GLRA3: variants seen among roughly 807,000 people sequenced by gnomAD.
The protein encoded by GLRA3 is glycine receptor alpha 3, also known as glycine receptor subunit alpha-3.
In GLRA3, 44 loss-of-function variants were observed where a neutral mutation model predicts 60.4. The ratio of observed to expected loss-of-function variants is 0.73; its 90% CI spans 0.57 to 0.94. GLRA3 has a LOEUF of 0.94. Ranked by LOEUF, GLRA3 falls within the 40% of genes least tolerant of loss-of-function variation. The probability of loss-of-function intolerance (pLI) is 0.00; values close to 1 mark genes in which losing one functional copy is unlikely to be tolerated. For synonymous variants in GLRA3, 223 were observed against 192.9 expected, an observed-to-expected ratio of 1.16 and a Z score of -1.29; for missense variants, 508 against 564.6, an observed-to-expected ratio of 0.90 and a Z score of 1.02.
intron 5 of GLRA3, among the ~76,000 whole-genome samples, chr4:174,714,089 C>T (rs1735818616): frequency 6.6e-6 from 1 of 152,152 alleles, no homozygotes; most frequent in Admixed American, 6.5e-5. Context: ...TGCTCTTTGT[C>T]CTACTTTCTG....
At chr4:174,677,056 C>T (rs1429377858) in intron 7 of GLRA3, 22 bp downstream of exon 7, 7 of 1,370,604 alleles carry the variant, frequency 5.1e-6, no homozygotes, top group Admixed American at 5.0e-5. Context: ...CAAAGATGTG[C>T]ATGCTCATTC....
chr4:174,793,350 GCATAC>G (rs1156461195), intron 1 of GLRA3, among the ~76,000 whole-genome samples: 2 of 151,724 alleles, frequency 1.3e-5, no homozygotes, highest in Non-Finnish European at 2.9e-5. Flanking sequence ...GGTATCAACT[GCATAC>G]CATGATACCA....
At chr4:174,808,109 G>T (rs60038156) in intron 1 of GLRA3, among the ~76,000 whole-genome samples, 4,536 of 152,050 alleles carry the variant, frequency 0.03, 199 homozygotes, top group African/African-American at 0.1. Flanking sequence ...GGACATCATA[G>T]GTTTGAGAGT....
intron 7 of GLRA3, among the ~76,000 whole-genome samples, chr4:174,673,078 C>T (rs1160564104): frequency 6.6e-6 from 1 of 151,920 alleles, no homozygotes; most frequent in East Asian, 1.9e-4. Flanking sequence ...CAGACCTGGT[C>T]CTTAGCCAGT....
rs184204382 is a variant in GLRA3 at position 174,668,882 on chromosome 4, C to T, written c.927+8196G>A. ...GTATGCTTTTGATGAGCTAAAATAG[C>T]CCTTTGAATAGGGTAATTGGTTCTT... On this transcript the variant is annotated intron_variant, in intron 7 of 9. Transcript: ENST00000274093. Among the ~76,000 whole-genome samples the T allele has an allele frequency of 5.4e-4, 82 of 152,134 alleles. 1 individual carries two copies. Among genetic ancestry groups the T allele is most frequent in the African/African-American group, 1.7e-3 (70 of 41,510 alleles).
At chr4:174,678,059 G>C (rs9312557) in intron 6 of GLRA3, among the ~76,000 whole-genome samples, 1 of 151,914 alleles carries the variant, frequency 6.6e-6, no homozygotes, top group African/African-American at 2.4e-5. Flanking sequence ...AATTGAACAC[G>C]AATTATTCCT....
intron 4 of GLRA3, among the ~76,000 whole-genome samples, chr4:174,725,731 C>T (rs947164396): frequency 6.6e-6 from 1 of 152,156 alleles, no homozygotes; most frequent in African/African-American, 2.4e-5. Context: ...ATTTGCCTGC[C>T]TCAGCCTCCC....
chr4:174,647,715 TCA>T (rs1445391819), intron 9 of GLRA3, among the ~76,000 whole-genome samples: 1 of 151,958 alleles, frequency 6.6e-6, no homozygotes, highest in Non-Finnish European at 1.5e-5. Context: ...CAAAATAACT[TCA>T]GTTTGAAAAA....
chr4:174,823,228 C>CA (rs1424701396), intron 1 of GLRA3, among the ~76,000 whole-genome samples: 2 of 114,870 alleles, frequency 1.7e-5, no homozygotes, highest in Admixed American at 8.8e-5. Context: ...AATAAAAAAA[C>CA]AAAAAACTAA....
chr4:174,782,747 A>T (rs1451275673), intron 2 of GLRA3, among the ~76,000 whole-genome samples: 3 of 152,152 alleles, frequency 2.0e-5, no homozygotes, highest in Admixed American at 2.0e-4. Context: ...AATACCTAGG[A>T]ATCCAACTTA....
intron 5 of GLRA3, among the ~76,000 whole-genome samples, chr4:174,696,409 G>A (rs1189482698): frequency 6.7e-6 from 1 of 150,230 alleles, no homozygotes; most frequent in Non-Finnish European, 1.5e-5. Context: ...GAAAGATATT[G>A]TAAAGTTGAA....
intron 7 of GLRA3, among the ~76,000 whole-genome samples, chr4:174,664,383 A>G (rs568079901): frequency 6.6e-5 from 10 of 152,198 alleles, no homozygotes; most frequent in Admixed American, 2.0e-4. Context: ...AGGAGTCAAG[A>G]ATCTCTACCA....
chr4:174,710,244 T>A (rs1561070346), intron 5 of GLRA3, among the ~76,000 whole-genome samples: 2 of 152,190 alleles, frequency 1.3e-5, no homozygotes, highest in South Asian at 4.1e-4. Context: ...CTTCTAAGGT[T>A]GTGTCTCTAT....
intron 3 of GLRA3, among the ~76,000 whole-genome samples, chr4:174,757,101 C>T (rs1737748310): frequency 6.6e-6 from 1 of 152,192 alleles, no homozygotes; most frequent in African/African-American, 2.4e-5. Context: ...AAAAGTACAA[C>T]TGTCTTAACA....
At chr4:174,710,089 T>C (rs1735660177) in intron 5 of GLRA3, among the ~76,000 whole-genome samples, 1 of 152,156 alleles carries the variant, frequency 6.6e-6, no homozygotes, top group East Asian at 1.9e-4. Flanking sequence ...TTATTGTCTT[T>C]CTCTGTTTCA....
At chr4:174,670,062 A>AT (rs1174873964) in intron 7 of GLRA3, among the ~76,000 whole-genome samples, 8 of 152,000 alleles carry the variant, frequency 5.3e-5, no homozygotes, top group Non-Finnish European at 5.9e-5. Context: ...TTTTACCATC[A>AT]TTTTTTCTGT....
intron 3 of GLRA3, among the ~76,000 whole-genome samples, chr4:174,736,185 T>A (rs1736779037): frequency 1.3e-5 from 2 of 152,148 alleles, no homozygotes; most frequent in Admixed American, 1.3e-4. Context: ...AAATGTCTGA[T>A]ATAAACTGTA....
At chr4:174,761,309 A>G (rs1334328079) in intron 3 of GLRA3, among the ~76,000 whole-genome samples, 2 of 152,084 alleles carry the variant, frequency 1.3e-5, no homozygotes, top group African/African-American at 4.8e-5. Context: ...GAATCTAACG[A>G]CTCAATAATT....
intron 5 of GLRA3, among the ~76,000 whole-genome samples, chr4:174,696,743 T>C (rs1184676093): frequency 6.6e-6 from 1 of 152,064 alleles, no homozygotes; most frequent in African/African-American, 2.4e-5. Flanking sequence ...GAAATATCTT[T>C]TGGATTTATA....
Sources: gnomAD v4.1 joint callset for allele counts (sites outside exome capture counted in the v4.1 genomes callset) on GRCh38, gnomAD v4.1.1 for gene constraint, MANE v1.5 for transcripts, NCBI Gene and HGNC (gene_info 2026-07-23, HGNC 2026-07-21) for gene names.